The following TAFA1 variants were observed in gnomAD, a reference collection of about 807,000 sequenced individuals.
TAFA1 encodes TAFA chemokine like family member 1.
A neutral mutation model predicts 18.5 loss-of-function variants in TAFA1; 4 were observed. The observed-to-expected ratio is 0.22, with a 90% CI of 0.11 to 0.49. The LOEUF is 0.49. TAFA1 is among the 20% of genes least tolerant of loss of function. The pLI, the probability that TAFA1 is intolerant of heterozygous loss-of-function variation, is 0.98. For synonymous variants in TAFA1, 56 were observed against 55.2 expected, an observed-to-expected ratio of 1.01 and a Z score of -0.06; for missense variants, 147 against 169.0, an observed-to-expected ratio of 0.87 and a Z score of 0.72.
intron 2 of TAFA1, among the ~76,000 whole-genome samples, chr3:68,364,421 A>G (rs1559634759): frequency 6.6e-6 from 1 of 152,118 alleles, no homozygotes; most frequent in African/African-American, 2.4e-5. Flanking sequence ...CAGGAGGCAC[A>G]TCTCCAAAAT....
rs570190495 is a variant in TAFA1, at chr3:68,332,153, G to C, written c.119-85127G>C. On this transcript the variant is annotated intron_variant, in intron 2 of 4. Transcript: ENST00000478136. ...GCTGAGATTACAGGTGTGAGCCACCGCGCCCGGCCAAGGATAGTCTTTTCA... is the reference window on the plus strand; with the variant it reads ...GCTGAGATTACAGGTGTGAGCCACCCCGCCCGGCCAAGGATAGTCTTTTCA... Among the ~76,000 whole-genome samples the C allele has an allele frequency of 2.6e-5, 4 of 151,688 alleles. No homozygotes were observed. The South Asian group carries it at 8.3e-4, about 32-fold the overall frequency.
At chr3:68,084,339 G>T (rs943536987) in intron 2 of TAFA1, among the ~76,000 whole-genome samples, 2 of 152,156 alleles carry the variant, frequency 1.3e-5, no homozygotes, top group African/African-American at 2.4e-5. Flanking sequence ...TTCTCTTTAT[G>T]TATGTCTTTG....
At chr3:68,082,165 C>G (rs2064911509) in intron 2 of TAFA1, among the ~76,000 whole-genome samples, 1 of 143,444 alleles carries the variant, frequency 7.0e-6, no homozygotes, top group African/African-American at 3.0e-5. Flanking sequence ...CCTCACCCTG[C>G]TTCGGCTCGC....
chr3:68,001,170 T>C (rs966083541), upstream of TAFA1, among the ~76,000 whole-genome samples: 7 of 152,146 alleles, frequency 4.6e-5, no homozygotes, highest in African/African-American at 1.7e-4. Context: ...ATTTCAACTT[T>C]CTCTCAGTCC....
intron 3 of TAFA1, among the ~76,000 whole-genome samples, chr3:68,469,370 TTC>T (rs1348861290): frequency 8.5e-5 from 13 of 152,218 alleles, no homozygotes; most frequent in Admixed American, 6.5e-4. Flanking sequence ...CTCTCTTATT[TTC>T]TCTTTTGAAA....
intron 2 of TAFA1, among the ~76,000 whole-genome samples, chr3:68,120,619 C>T (rs1481087415): frequency 1.3e-5 from 2 of 152,134 alleles, no homozygotes; most frequent in African/African-American, 4.8e-5. Flanking sequence ...CCTCATCTTA[C>T]CTGTGGTGAG....
intron 2 of TAFA1, among the ~76,000 whole-genome samples, chr3:68,331,387 A>G (rs547359253): frequency 4.7e-4 from 72 of 152,336 alleles, no homozygotes; most frequent in Non-Finnish European, 7.9e-4. Flanking sequence ...CATCACTGTG[A>G]ATGTACTAAA....
At chr3:68,446,688 G>T (rs1200546924) in intron 3 of TAFA1, among the ~76,000 whole-genome samples, 1 of 152,120 alleles carries the variant, frequency 6.6e-6, no homozygotes, top group East Asian at 1.9e-4. Context: ...AGACATACAG[G>T]TTAACTTTCC....
chr3:68,001,613 T>A (rs549663659), upstream of TAFA1, among the ~76,000 whole-genome samples: 1 of 152,048 alleles, frequency 6.6e-6, no homozygotes, highest in Non-Finnish European at 1.5e-5. Flanking sequence ...TTTGTTTGTT[T>A]GGTGTTTACC....
rs540757727 is a variant in TAFA1, at chr3:68,479,967, C to A, written c.260-58789C>A. 2.6e-5 allele frequency among the ~76,000 whole-genome samples: 4 copies of A among 152,240 alleles called. 1 individual carries two copies. In the South Asian group the frequency reaches 8.3e-4, roughly 32 times the overall value. Reference sequence around the variant, plus strand: ...TGACATTAGCTAACATGGTTTGAGACAAGTCTTTCACTTCTCTAAGATTGG... The same window carrying A: ...TGACATTAGCTAACATGGTTTGAGAAAAGTCTTTCACTTCTCTAAGATTGG... On this transcript the variant is annotated intron_variant, in intron 3 of 4. Transcript: ENST00000478136.
In TAFA1 at chr3:68,336,782, G is replaced by A. The variant is rs9825015; in HGVS notation, c.119-80498G>A. 5.7e-3 allele frequency among the ~76,000 whole-genome samples: 861 copies of A among 152,252 alleles called. 9 individuals are homozygous for A. The highest frequency in any genetic ancestry group is 0.02 in the African/African-American group (813 of 41,546). On this transcript the variant is annotated intron_variant, in intron 2 of 4. Transcript: ENST00000478136. ...ATCTGTCACCAGGCTGGAGTGCTGT[G>A]GCACGATCTCAGCTCAGTGCATCCT... is the stretch of plus-strand genomic sequence containing the variant.
intron 2 of TAFA1, among the ~76,000 whole-genome samples, chr3:68,209,026 C>G (rs1873594): frequency 6.6e-6 from 1 of 151,946 alleles, no homozygotes. Flanking sequence ...TGGAAAGGGC[C>G]TGCGAGTAAC....
chr3:68,024,512 G>A (rs1456296155), intron 2 of TAFA1, among the ~76,000 whole-genome samples: 2 of 151,934 alleles, frequency 1.3e-5, no homozygotes, highest in Non-Finnish European at 2.9e-5. Flanking sequence ...TTAATAAACA[G>A]TCTTTCTTAT....
chr3:68,121,769 TC>T (rs1188649349), intron 2 of TAFA1, among the ~76,000 whole-genome samples: 1 of 152,182 alleles, frequency 6.6e-6, no homozygotes, highest in African/African-American at 2.4e-5. Flanking sequence ...GCCATTTATA[TC>T]AATTGACAAT....
At chr3:68,414,417 T>C (rs138504544) in intron 2 of TAFA1, among the ~76,000 whole-genome samples, 2 of 152,276 alleles carry the variant, frequency 1.3e-5, no homozygotes, top group African/African-American at 4.8e-5. Flanking sequence ...TCAAACATTT[T>C]CTTGGAAGTT....
intron 2 of TAFA1, among the ~76,000 whole-genome samples, chr3:68,359,145 T>A (rs1157033923): frequency 2.0e-5 from 3 of 152,036 alleles, no homozygotes; most frequent in African/African-American, 7.2e-5. Context: ...AATTTCCTTT[T>A]TTATTGTTCA....
intron 2 of TAFA1, among the ~76,000 whole-genome samples, chr3:68,176,145 G>A (rs768819674): frequency 3.3e-5 from 5 of 152,184 alleles, no homozygotes; most frequent in South Asian, 2.1e-4. Flanking sequence ...TCTCAGGTAC[G>A]TCTTTATCAG....
intron 2 of TAFA1, among the ~76,000 whole-genome samples, chr3:68,257,490 C>G (rs527476842): frequency 1.9e-4 from 28 of 150,382 alleles, no homozygotes; most frequent in Non-Finnish European, 3.0e-4. Context: ...GTGGTTGGTG[C>G]TTAATTAATA....
intron 2 of TAFA1, among the ~76,000 whole-genome samples, chr3:68,115,483 C>T (rs895498300): frequency 5.9e-5 from 9 of 152,154 alleles, no homozygotes; most frequent in Middle Eastern, 3.2e-3. Flanking sequence ...TACAATAGTT[C>T]TGGCATACAG....
Sources: allele counts gnomAD v4.1 joint callset (sites outside exome capture counted in the v4.1 genomes callset), GRCh38; gene constraint gnomAD v4.1.1; transcripts MANE v1.5; gene names NCBI Gene and HGNC (gene_info 2026-07-23, HGNC 2026-07-21).